The following SCAPER variants were observed in gnomAD, a reference collection of about 807,000 sequenced individuals.
The protein encoded by SCAPER is S phase cyclin A-associated protein in the endoplasmic reticulum.
Under a neutral mutation model 182.2 loss-of-function variants are expected in SCAPER, and 98 were observed. The observed-to-expected ratio is 0.54, with a 90% CI of 0.46 to 0.64. The LOEUF (loss-of-function observed/expected upper bound fraction) is 0.64. Ranked by LOEUF, SCAPER falls within the 30% of genes least tolerant of loss-of-function variation. The pLI, the probability that SCAPER is intolerant of heterozygous loss-of-function variation, is 0.00. For missense variants in SCAPER, 1,432 were observed against 1,690.0 expected, an observed-to-expected ratio of 0.85 and a Z score of 2.68; for synonymous variants, 605 against 564.6, an observed-to-expected ratio of 1.07 and a Z score of -1.01.
At chr15:76,805,623 G>T (rs2066100386) in intron 5 of SCAPER, among the ~76,000 whole-genome samples, 1 of 140,082 alleles carries the variant, frequency 7.1e-6, no homozygotes, top group Non-Finnish European at 1.5e-5. Context: ...GCAGTGGCGT[G>T]ATCTCAGCAT....
chr15:76,699,552 T>C (rs2058821950), intron 20 of SCAPER, among the ~76,000 whole-genome samples: 1 of 152,164 alleles, frequency 6.6e-6, no homozygotes, highest in Non-Finnish European at 1.5e-5. Flanking sequence ...CCCTTGAGGG[T>C]TTGACTGCAG....
intron 23 of SCAPER, among the ~76,000 whole-genome samples, chr15:76,563,044 C>T (rs2046764416): frequency 1.3e-5 from 2 of 152,070 alleles, no homozygotes. Context: ...TAGAAACAGA[C>T]CCTTAAGTGA....
intron 5 of SCAPER, among the ~76,000 whole-genome samples, chr15:76,821,213 T>A (rs2067510597): frequency 2.0e-5 from 3 of 152,192 alleles, no homozygotes; most frequent in Admixed American, 1.3e-4. Flanking sequence ...TTGACAAAAC[T>A]TGGAAGCCAC....
At chr15:76,651,814 G>GAAA (rs200721516) in intron 21 of SCAPER, among the ~76,000 whole-genome samples, 3 of 99,446 alleles carry the variant, frequency 3.0e-5, no homozygotes, top group Non-Finnish European at 4.3e-5. Context: ...AGGCACAATG[G>GAAA]AAAAAAAAAA....
In SCAPER at chr15:76,684,323, C is replaced by A. The variant is rs111240475; in HGVS notation, c.2508+17435G>T. 4.3e-3 allele frequency among the ~76,000 whole-genome samples: 659 copies of A among 152,236 alleles called. 7 individuals carry two copies. The highest frequency in any genetic ancestry group is 0.015 in the African/African-American group (627 of 41,540). The stretch of plus-strand genomic sequence containing the variant: ...TGCTATCTTCAAGACACCCATCTCA[C>A]ATGCAATGACACCCATATGCTCAAT... On this transcript the variant is annotated intron_variant, in intron 20 of 31. Transcript: ENST00000563290.
At position 76,720,867 on chromosome 15, in the gene SCAPER, C is replaced by T. The variant is rs62028184; in HGVS notation, c.2165+7728G>A. On this transcript the variant is annotated intron_variant, in intron 17 of 31. Transcript: ENST00000563290. Reference sequence around the variant, plus strand: ...TAGGTTGCAAAAATTTTCTCCCATTCTGTAGGTTGCCTGTTCACTCTGATG... The same window carrying T: ...TAGGTTGCAAAAATTTTCTCCCATTTTGTAGGTTGCCTGTTCACTCTGATG... Among the ~76,000 whole-genome samples, 845 of 152,208 alleles carry T rather than the reference C, an allele frequency of 5.6e-3. 4 individuals carry two copies. The highest frequency in any genetic ancestry group is 9.1e-3 in the Non-Finnish European group (616 of 68,002).
At chr15:76,536,232 T>C (rs2044147350) in intron 23 of SCAPER, among the ~76,000 whole-genome samples, 1 of 152,100 alleles carries the variant, frequency 6.6e-6, no homozygotes, top group African/African-American at 2.4e-5. Flanking sequence ...AGTGCGGTGG[T>C]GTGTGCCACT....
chr15:76,712,213 C>G (rs375357089), intron 17 of SCAPER, among the ~76,000 whole-genome samples: 5 of 152,078 alleles, frequency 3.3e-5, no homozygotes, highest in Non-Finnish European at 5.9e-5. Context: ...CCCATTGCTT[C>G]TTTTTCTCAG....
chr15:76,516,614 T>C (rs961609173), intron 23 of SCAPER, among the ~76,000 whole-genome samples: 11 of 152,188 alleles, frequency 7.2e-5, no homozygotes, highest in South Asian at 2.1e-4. Context: ...CAGTCTATCA[T>C]TGATGGACAT....
At chr15:76,538,474 C>A (rs1054459821) in intron 23 of SCAPER, among the ~76,000 whole-genome samples, 1 of 151,792 alleles carries the variant, frequency 6.6e-6, no homozygotes, top group Non-Finnish European at 1.5e-5. Context: ...GGACAAAAAA[C>A]CAAACACTGC....
At chr15:76,721,004 C>T (rs1012568440) in intron 17 of SCAPER, among the ~76,000 whole-genome samples, 1 of 152,100 alleles carries the variant, frequency 6.6e-6, no homozygotes, top group African/African-American at 2.4e-5. Flanking sequence ...CTTGCCCATG[C>T]CTATGTCCTG....
chr15:76,430,438 C>G (rs955366822), intron 26 of SCAPER, among the ~76,000 whole-genome samples: 3 of 152,218 alleles, frequency 2.0e-5, no homozygotes, highest in African/African-American at 7.2e-5. Flanking sequence ...AGGGGCTATA[C>G]CCTACAAAGT....
intron 17 of SCAPER, among the ~76,000 whole-genome samples, chr15:76,726,521 G>C (rs958992589): frequency 6.6e-6 from 1 of 151,648 alleles, no homozygotes; most frequent in Non-Finnish European, 1.5e-5. Context: ...AAAAAGCAGA[G>C]ACTAAAACAT....
chr15:76,739,858 T>C (rs897217587), intron 15 of SCAPER, among the ~76,000 whole-genome samples: 16 of 152,118 alleles, frequency 1.1e-4, no homozygotes, highest in Non-Finnish European at 2.1e-4. Flanking sequence ...ACAGAACAGA[T>C]AGTGTAAAAA....
chr15:76,446,924 T>C (rs1484224663), intron 25 of SCAPER, among the ~76,000 whole-genome samples: 1 of 152,190 alleles, frequency 6.6e-6, no homozygotes, highest in Non-Finnish European at 1.5e-5. Context: ...TTTCAGTACA[T>C]GATTCAATAA....
chr15:76,811,800 A>G lies in SCAPER; in HGVS notation c.394-7167T>C, dbSNP rs2066645016. On this transcript the variant is annotated intron_variant, in intron 5 of 31. Transcript: ENST00000563290. The stretch of plus-strand genomic sequence containing the variant: ...TGAAACTCTGCCTCAAAAAATAAAA[A>G]ATAAAAAAATAAAAAAAATAAAATA... Among the ~76,000 whole-genome samples, 3 of 151,798 alleles carry G rather than the reference A, an allele frequency of 2.0e-5. No individual in the cohort carries two copies. The South Asian group carries it at 6.2e-4, about 31-fold the overall frequency.
chr15:76,717,113 T>G, intron 17 of SCAPER, among the ~76,000 whole-genome samples: 1 of 134,344 alleles, frequency 7.4e-6, no homozygotes, highest in East Asian at 2.1e-4. Flanking sequence ...GCCTGGAGAA[T>G]GGGATGACAT....
chr15:76,692,844 G>T (rs1398546779), intron 20 of SCAPER, among the ~76,000 whole-genome samples: 1 of 150,726 alleles, frequency 6.6e-6, no homozygotes, highest in South Asian at 2.1e-4. Flanking sequence ...AAAATAAAGC[G>T]ACAATAGACA....
chr15:76,424,174 T>C (rs1164935838), intron 26 of SCAPER, among the ~76,000 whole-genome samples: 1 of 152,192 alleles, frequency 6.6e-6, no homozygotes, highest in African/African-American at 2.4e-5. Context: ...CTGGATATCC[T>C]TGTTAACTTT....
Sources: gnomAD v4.1 joint callset for allele counts (sites outside exome capture counted in the v4.1 genomes callset) on GRCh38, gnomAD v4.1.1 for gene constraint, MANE v1.5 for transcripts, NCBI Gene and HGNC (gene_info 2026-07-23, HGNC 2026-07-21) for gene names.